The following PCDH9 variants were observed in gnomAD, a reference collection of about 807,000 sequenced individuals.
The protein encoded by PCDH9 is protocadherin 9.
A neutral mutation model predicts 70.6 loss-of-function variants in PCDH9; 24 were observed. The ratio of observed to expected loss-of-function variants is 0.34; its 90% CI spans 0.25 to 0.48. PCDH9 has a LOEUF of 0.48. Among genes scored for constraint, PCDH9 ranks in the 20% least tolerant of loss-of-function variants. The pLI is 0.99. For synonymous variants in PCDH9, 562 were observed against 558.5 expected (o/e 1.01, Z -0.09); for missense variants, 1,281 against 1,503.6 (o/e 0.85, Z 2.45).
At chr13:66,356,296 T>A (rs1956381276) in intron 4 of PCDH9, among the ~76,000 whole-genome samples, 1 of 152,084 alleles carries the variant, frequency 6.6e-6, no homozygotes, top group African/African-American at 2.4e-5. Flanking sequence ...TTCATGGAAG[T>A]CTTGTATTTT....
rs566389310 is a variant in PCDH9 at position 66,634,675 on chromosome 13, C to T, written c.3139-3264G>A. On this transcript the variant is annotated intron_variant, in intron 3 of 4. Coordinates refer to ENST00000377865, the MANE Select transcript of PCDH9 (RefSeq NM_203487.3). ...TGTTCCTGCTATGCAATACTTGATA[C>T]ATTGGAGATAGTCAATAAAAAGTAG... Among the ~76,000 whole-genome samples the T allele has an allele frequency of 4.9e-4, 74 of 152,248 alleles. 2 individuals carry two copies. In the South Asian group the frequency reaches 0.015, roughly 31 times the overall value.
chr13:66,943,369 T>C (rs2083036963), intron 2 of PCDH9, among the ~76,000 whole-genome samples: 1 of 152,056 alleles, frequency 6.6e-6, no homozygotes, highest in Non-Finnish European at 1.5e-5. Flanking sequence ...AATGAAAGAT[T>C]AGTAAATCTC....
At chr13:66,642,909 C>A (rs2077726872) in intron 3 of PCDH9, among the ~76,000 whole-genome samples, 1 of 151,864 alleles carries the variant, frequency 6.6e-6, no homozygotes, top group Non-Finnish European at 1.5e-5. Context: ...AAATAAAGAT[C>A]AGTCTCAATT....
At chr13:66,546,691 T>C (rs565180992) in intron 4 of PCDH9, among the ~76,000 whole-genome samples, 8 of 152,312 alleles carry the variant, frequency 5.3e-5, no homozygotes, top group African/African-American at 1.9e-4. Context: ...AGTAATGTCC[T>C]GGGCTTTCCC....
chr13:66,661,209 T>C (rs971511740), intron 3 of PCDH9, among the ~76,000 whole-genome samples: 1 of 152,228 alleles, frequency 6.6e-6, no homozygotes. Flanking sequence ...TTATTTCTTA[T>C]AGAAAGTTAG....
chr13:66,683,923 T>C (rs2139067036), intron 3 of PCDH9, among the ~76,000 whole-genome samples: 1 of 152,332 alleles, frequency 6.6e-6, no homozygotes, highest in Non-Finnish European at 1.5e-5. Context: ...TCATATAATT[T>C]ATTTGTAAAA....
intron 2 of PCDH9, among the ~76,000 whole-genome samples, chr13:67,131,958 C>G (rs750019661): frequency 1.3e-5 from 2 of 152,156 alleles, no homozygotes; most frequent in Non-Finnish European, 2.9e-5. Flanking sequence ...GCCTATCCAT[C>G]CATCAGCACA....
chr13:66,686,612 G>C (rs941004847), intron 3 of PCDH9, among the ~76,000 whole-genome samples: 1 of 152,140 alleles, frequency 6.6e-6, no homozygotes, highest in Non-Finnish European at 1.5e-5. Flanking sequence ...TGTTTACATT[G>C]CTCTTATCTA....
chr13:67,008,752 A>G (rs1215075977), intron 2 of PCDH9, among the ~76,000 whole-genome samples: 1 of 152,034 alleles, frequency 6.6e-6, no homozygotes, highest in African/African-American at 2.4e-5. Flanking sequence ...TTTTACTTAC[A>G]TATTTTCTTA....
intron 2 of PCDH9, among the ~76,000 whole-genome samples, chr13:66,950,530 T>C (rs1206714876): frequency 1.3e-5 from 2 of 152,034 alleles, no homozygotes; most frequent in African/African-American, 2.4e-5. Context: ...CTAGTTAAGA[T>C]GTTAGCTTTT....
chr13:66,409,187 G>T (rs911111893), intron 4 of PCDH9, among the ~76,000 whole-genome samples: 1 of 151,916 alleles, frequency 6.6e-6, no homozygotes. Context: ...TGGCCAAAAA[G>T]AATTTTATAA....
At chr13:67,205,360 G>C (rs2089313122) in intron 2 of PCDH9, 1 of 152,062 alleles carries the variant, frequency 6.6e-6, no homozygotes, top group Non-Finnish European at 1.5e-5. Context: ...TTTTTAATTA[G>C]AGTAATTGAA....
intron 2 of PCDH9, among the ~76,000 whole-genome samples, chr13:67,148,391 G>A (rs1401726237): frequency 6.6e-6 from 1 of 151,624 alleles, no homozygotes; most frequent in Non-Finnish European, 1.5e-5. Context: ...TACAGCTGAT[G>A]TACACTGGTT....
intron 3 of PCDH9, among the ~76,000 whole-genome samples, chr13:66,789,205 C>T (rs999235116): frequency 1.3e-5 from 2 of 152,088 alleles, no homozygotes; most frequent in Admixed American, 6.6e-5. Flanking sequence ...CCTGAGTAAC[C>T]GGCTGAAATT....
intron 2 of PCDH9, among the ~76,000 whole-genome samples, chr13:66,982,086 C>A (rs2083783899): frequency 6.6e-6 from 1 of 152,126 alleles, no homozygotes; most frequent in Non-Finnish European, 1.5e-5. Context: ...CTCCTGAGAT[C>A]TGCTCCTTTA....
intron 4 of PCDH9, among the ~76,000 whole-genome samples, chr13:66,629,410 G>A (rs1292247582): frequency 2.0e-5 from 3 of 152,154 alleles, no homozygotes; most frequent in Admixed American, 1.3e-4. Context: ...GGGCAAAGTT[G>A]GAGACTAGGA....
At chr13:66,936,293 T>A (rs530939099) in intron 2 of PCDH9, among the ~76,000 whole-genome samples, 1 of 152,240 alleles carries the variant, frequency 6.6e-6, no homozygotes, top group Non-Finnish European at 1.5e-5. Context: ...TTTTCAGTTG[T>A]AACCATTTTC....
chr13:66,421,707 C>A (rs1957569977), intron 4 of PCDH9, among the ~76,000 whole-genome samples: 1 of 152,102 alleles, frequency 6.6e-6, no homozygotes, highest in Admixed American at 6.6e-5. Context: ...ACTGCAAAAA[C>A]AAAATAAAAT....
chr13:67,164,482 G>A (rs1418919944), intron 2 of PCDH9, among the ~76,000 whole-genome samples: 1 of 151,326 alleles, frequency 6.6e-6, no homozygotes, highest in Non-Finnish European at 1.5e-5. Context: ...GGCTGAAGCA[G>A]AGAATTGCTT....
Sources: allele counts gnomAD v4.1 joint callset (sites outside exome capture counted in the v4.1 genomes callset), GRCh38; gene constraint gnomAD v4.1.1; transcripts MANE v1.5; gene names NCBI Gene and HGNC (gene_info 2026-07-23, HGNC 2026-07-21).